The following ERBB4 variants were observed in gnomAD, a reference collection of about 807,000 sequenced individuals.
ERBB4 encodes the protein erb-b2 receptor tyrosine kinase 4, also known as receptor tyrosine-protein kinase erbB-4.
A neutral mutation model predicts 158.0 loss-of-function variants in ERBB4; 42 were observed. The observed-to-expected ratio is 0.27, with a 90% CI of 0.21 to 0.34. ERBB4 has a LOEUF of 0.34. Ranked by LOEUF, ERBB4 falls within the 10% of genes least tolerant of loss-of-function variation. ERBB4 has a pLI of 1.00. For missense variants in ERBB4, 1,333 were observed against 1,624.1 expected (o/e 0.82, Z 3.08); for synonymous variants, 583 against 558.7 (o/e 1.04, Z -0.61).
chr2:212,340,740 T>C (rs1214727539), intron 1 of ERBB4, among the ~76,000 whole-genome samples: 1 of 152,228 alleles, frequency 6.6e-6, no homozygotes, highest in African/African-American at 2.4e-5. Context: ...ACTGCTCACC[T>C]ACCTGCGGTG....
intron 16 of ERBB4, among the ~76,000 whole-genome samples, chr2:211,632,093 T>C (rs2070160281): frequency 1.3e-5 from 2 of 152,022 alleles, no homozygotes. Context: ...TCTAAAAAGG[T>C]AGTTCATCCT....
At chr2:212,437,448 T>C (rs2092162536) in intron 1 of ERBB4, among the ~76,000 whole-genome samples, 1 of 150,206 alleles carries the variant, frequency 6.7e-6, no homozygotes, top group East Asian at 2.0e-4. Context: ...GTACAGGAAG[T>C]GATAAGCCTT....
intron 2 of ERBB4, among the ~76,000 whole-genome samples, chr2:211,995,962 T>C (rs76496112): frequency 0.032 from 4,868 of 152,320 alleles, 78 homozygotes; most frequent in African/African-American, 0.048. Flanking sequence ...AGTGGTCAGC[T>C]TAGGTCAATC....
intron 3 of ERBB4, among the ~76,000 whole-genome samples, chr2:211,858,885 G>A (rs544038178): frequency 8.5e-5 from 13 of 152,162 alleles, no homozygotes; most frequent in African/African-American, 2.6e-4. Flanking sequence ...CCGTTCAAGC[G>A]ATTCTCCTGC....
intron 16 of ERBB4, among the ~76,000 whole-genome samples, chr2:211,653,921 G>A (rs531880678): frequency 9.9e-5 from 15 of 152,052 alleles, no homozygotes; most frequent in Non-Finnish European, 1.5e-4. Context: ...TGATCTGCCC[G>A]CCTCGGCCTC....
intron 1 of ERBB4, among the ~76,000 whole-genome samples, chr2:212,164,241 G>A (rs1466593277): frequency 1.3e-5 from 2 of 151,910 alleles, no homozygotes; most frequent in Non-Finnish European, 2.9e-5. Flanking sequence ...GAATTGATAT[G>A]TGCTATTAAG....
chr2:211,770,305 G>T (rs1487440244), intron 4 of ERBB4, among the ~76,000 whole-genome samples: 2 of 151,938 alleles, frequency 1.3e-5, no homozygotes, highest in East Asian at 3.9e-4. Flanking sequence ...CTTATTAAAG[G>T]AAATATGCAA....
Position 212,108,706 on chromosome 2 carries a change from CTTTTTTTTTTT to C in ERBB4, c.234+16035_234+16045del, listed in dbSNP as rs775193964. 3.2e-4 allele frequency among the ~76,000 whole-genome samples: 31 copies of C among 97,054 alleles called. No homozygotes were observed. In the South Asian group the frequency reaches 8.9e-3, roughly 28 times the overall value. The allele number at this position is 97,054 out of a possible 152,430, so 63.7% of individuals were successfully genotyped here. A position where few individuals can be genotyped will look rare whatever the true frequency, so the allele number is the denominator to read the frequency against. Reference sequence around the variant, plus strand: ...CATGGAAATGTTAGAAATGGGTCTGCTTTTTTTTTTTTTTTTTTTTTTCAGAACCAAAGTAT... The same window carrying C: ...CATGGAAATGTTAGAAATGGGTCTGCTTTTTTTTTTTCAGAACCAAAGTAT... On this transcript the variant is annotated intron_variant, in intron 2 of 27. Transcript: ENST00000342788.
At chr2:211,965,139 C>T (rs1446455220) in intron 2 of ERBB4, among the ~76,000 whole-genome samples, 4 of 151,898 alleles carry the variant, frequency 2.6e-5, no homozygotes, top group East Asian at 1.9e-4. Context: ...TTGACAGCGT[C>T]GTATCATGAA....
intron 2 of ERBB4, among the ~76,000 whole-genome samples, chr2:212,080,103 A>G (rs2078391420): frequency 6.6e-6 from 1 of 151,856 alleles, no homozygotes; most frequent in Non-Finnish European, 1.5e-5. Context: ...CACAAGGTCA[A>G]GAGATCGAGA....
intron 13 of ERBB4, among the ~76,000 whole-genome samples, chr2:211,674,778 G>A (rs1338572753): frequency 6.6e-6 from 1 of 152,074 alleles, no homozygotes; most frequent in Non-Finnish European, 1.5e-5. Context: ...GACAATTATA[G>A]CACACTTGAG....
intron 20 of ERBB4, among the ~76,000 whole-genome samples, chr2:211,458,446 T>C (rs1014077457): frequency 8.5e-5 from 13 of 152,056 alleles, no homozygotes; most frequent in Non-Finnish European, 1.5e-4. Context: ...TTTTGTATTT[T>C]AGTAGAGATG....
At chr2:211,402,054 A>G (rs2063054691) in intron 25 of ERBB4, among the ~76,000 whole-genome samples, 1 of 151,978 alleles carries the variant, frequency 6.6e-6, no homozygotes, top group East Asian at 1.9e-4. Context: ...GGTCTTATGA[A>G]CATATTCACA....
At chr2:212,188,821 C>A (rs2082105485) in intron 1 of ERBB4, among the ~76,000 whole-genome samples, 1 of 151,996 alleles carries the variant, frequency 6.6e-6, no homozygotes, top group African/African-American at 2.4e-5. Context: ...ACTCAACATA[C>A]TTATAATGTA....
Position 211,765,633 on chromosome 2 carries a change from A to G in ERBB4, c.557-14929T>C, listed in dbSNP as rs375287148. Among the ~76,000 whole-genome samples the G allele has an allele frequency of 2.6e-5, 4 of 152,188 alleles. No individual in the cohort carries two copies. In the East Asian group the frequency reaches 5.8e-4, roughly 22 times the overall value. ...GCAGATTCCTGTCCAGTATACAACT[A>G]TAAGGACCCTTAGACATTTGTTTAT... On this transcript the variant is annotated intron_variant, in intron 4 of 27. Transcript: ENST00000342788.
chr2:212,494,118 T>A (rs1286215854), intron 1 of ERBB4, among the ~76,000 whole-genome samples: 4 of 152,036 alleles, frequency 2.6e-5, no homozygotes, highest in African/African-American at 9.6e-5. Context: ...AGGCAATCTT[T>A]TTCCACATTG....
intron 1 of ERBB4, among the ~76,000 whole-genome samples, chr2:212,518,478 C>A (rs1196436501): frequency 6.6e-6 from 1 of 151,906 alleles, no homozygotes; most frequent in East Asian, 1.9e-4. Context: ...ATTAAATATC[C>A]TTCAACATTT....
At chr2:212,349,803 ACTATAT>A (rs996034348) in intron 1 of ERBB4, among the ~76,000 whole-genome samples, 3 of 152,088 alleles carry the variant, frequency 2.0e-5, no homozygotes, top group Admixed American at 2.0e-4. Flanking sequence ...CTTGGCCAAA[ACTATAT>A]CTTATAGTTG....
chr2:211,394,724 T>C (rs994198554), intron 25 of ERBB4, among the ~76,000 whole-genome samples: 2 of 152,090 alleles, frequency 1.3e-5, no homozygotes, highest in African/African-American at 4.8e-5. Flanking sequence ...TTGTCTCTGC[T>C]TGTGTGGTTT....
Sources: allele counts gnomAD v4.1 joint callset (sites outside exome capture counted in the v4.1 genomes callset), GRCh38; gene constraint gnomAD v4.1.1; transcripts MANE v1.5; gene names NCBI Gene and HGNC (gene_info 2026-07-23, HGNC 2026-07-21).